The following ZNF561 variants were observed in gnomAD, a reference collection of about 807,000 sequenced individuals.
The protein encoded by ZNF561 is zinc finger protein 561.
ZNF561 carries 16 observed loss-of-function variants against 16.7 expected under a neutral mutation model. That is an observed-to-expected ratio of 0.96 (90% CI 0.65 to 1.45). The LOEUF (loss-of-function observed/expected upper bound fraction) is 1.45. Ranked by LOEUF, ZNF561 falls within the 40% of genes most tolerant of loss-of-function variation. ZNF561 has a pLI of 0.00. For synonymous variants in ZNF561, 190 were observed against 192.1 expected (o/e 0.99, Z 0.09); for missense variants, 580 against 578.0 (o/e 1.00, Z -0.04).
intron 4 of ZNF561, among the ~76,000 whole-genome samples, chr19:9,615,167 G>A (rs1308163178): frequency 6.6e-6 from 1 of 151,934 alleles, no homozygotes; most frequent in Non-Finnish European, 1.5e-5. Context: ...TACAAGCAAT[G>A]TAATTATTAC....
Position 9,610,327 on chromosome 19 carries a change from C to G in ZNF561, c.1334G>C (p.Gly445Ala), listed in dbSNP as rs1348842936. ...TTCTTTACATACGAAGGGTTTCTCTCCGGTATGAGTTCGCAGGTGAACATT... is the reference window on the plus strand; with the variant it reads ...TTCTTTACATACGAAGGGTTTCTCTGCGGTATGAGTTCGCAGGTGAACATT... Reference protein sequence around the residue: ...RLNVHLRTHTGEKPFVCKECG... With the variant: ...RLNVHLRTHTAEKPFVCKECG... The change falls in exon 6 of 6, where the codon GGA (glycine) becomes GCA (alanine). Residue 445 changes from glycine (G) to alanine (A), a missense_variant. Transcript: ENST00000302851. 4.3e-6 allele frequency: 7 copies of G among 1,614,180 alleles called. No homozygotes were observed. The highest frequency in any genetic ancestry group is 5.9e-6 in the Non-Finnish European group (7 of 1,180,014).
In ZNF561 at chr19:9,609,279, G is replaced by T. The variant is rs1466800297; in HGVS notation, c.*921C>A. 1 of 152,164 alleles carries T rather than the reference G, an allele frequency of 6.6e-6. No individual in the cohort carries two copies. Among genetic ancestry groups the T allele is most frequent in the African/African-American group, 2.4e-5 (1 of 41,442 alleles). 9.4% of individuals were successfully genotyped at this position (152,164 alleles called of 1,614,324 possible). ...CAAGGCTCTCAGCTCTGAAGGCTGT[G>T]AGCCCCGATTCCCACTCTGCACTCT... On this transcript the variant is annotated 3_prime_UTR_variant, in exon 6 of 6. Transcript: ENST00000302851.
rs987651549 is a variant in ZNF561 at position 9,607,556 on chromosome 19, T to G, written c.*2644A>C. 6.6e-6 allele frequency: 1 copy of G among 152,022 alleles called. No individual in the cohort carries two copies. Among genetic ancestry groups the G allele is most frequent in the African/African-American group, 2.4e-5 (1 of 41,380 alleles). The allele number at this position is 152,022 out of a possible 1,614,324, so 9.4% of individuals were successfully genotyped here. A position where few individuals can be genotyped will look rare whatever the true frequency, so the allele number is the denominator to read the frequency against. On this transcript the variant is annotated 3_prime_UTR_variant, in exon 6 of 6. Coordinates refer to ENST00000302851, the MANE Select transcript of ZNF561 (RefSeq NM_152289.3). Reference sequence around the variant, plus strand: ...GTAAGAGATTAGCCTCTTCAAAAAATAAAATAAAAACCTACAGCCAAGCCA... The same window carrying G: ...GTAAGAGATTAGCCTCTTCAAAAAAGAAAATAAAAACCTACAGCCAAGCCA...
Position 9,610,672 on chromosome 19 carries a change from G to A in ZNF561, c.989C>T (p.Thr330Ile), listed in dbSNP as rs928481431. ...TTCATAGGGTTTTATTCCAGTGTGA[G>A]TTCTTACATGTTCAGTAAGTTGAGT... is the stretch of plus-strand genomic sequence containing the variant. Reference protein sequence around the residue: ...RSTQLTEHVRTHTGIKPYECK... With the variant: ...RSTQLTEHVRIHTGIKPYECK... The change falls in exon 6 of 6, where the codon ACT becomes ATT. Residue 330 changes from threonine (T) to isoleucine (I), a missense_variant. Physicochemically the swap from Thr to Ile is moderately conservative, Grantham distance 89. Coordinates refer to ENST00000302851, the MANE Select transcript of ZNF561 (RefSeq NM_152289.3). The A allele has an allele frequency of 6.2e-7, 1 of 1,614,068 alleles. No homozygotes were observed. Among genetic ancestry groups the A allele is most frequent in the Non-Finnish European group, 8.5e-7 (1 of 1,180,002 alleles).
Position 9,619,530 on chromosome 19 carries a change from C to T in ZNF561, c.-74G>A. 6.5e-7 allele frequency: 1 copy of T among 1,541,074 alleles called. No individual in the cohort carries two copies. Among genetic ancestry groups the T allele is most frequent in the Non-Finnish European group, 8.9e-7 (1 of 1,118,630 alleles). ...GATCACCTCAGGCCAGCTTATGAAT[C>T]TAGGTGGATAGAGGCAATCTCCATT... On this transcript the variant is annotated 5_prime_UTR_variant, in exon 2 of 6. Coordinates refer to ENST00000302851, the MANE Select transcript of ZNF561 (RefSeq NM_152289.3).
chr19:9,619,085 A>G (rs1258666985), intron 2 of ZNF561: 4 of 159,246 alleles, frequency 2.5e-5, no homozygotes, highest in Non-Finnish European at 4.1e-5. Context: ...TCTCAAAAAC[A>G]AAAACAAACA....
At position 9,611,040 on chromosome 19, in the gene ZNF561, C is replaced by G; in HGVS notation, c.621G>C (p.Lys207Asn). The change falls in exon 6 of 6, where the codon AAG (lysine) becomes AAC (asparagine). Residue 207 changes from lysine to asparagine, a missense_variant. By Grantham distance (94) the Lys-to-Asn change is moderately conservative. Transcript: ENST00000302851. ...YKCKECGKGF[K>N]YFASLDNHMG... ...TATGATTATCAAGGCTTGCAAAATA[C>G]TTAAAGCCTTTTCCACATTCCTTAC... The G allele has an allele frequency of 6.2e-7, 1 of 1,614,090 alleles. No homozygotes were observed. The highest frequency in any genetic ancestry group is 8.5e-7 in the Non-Finnish European group (1 of 1,180,016).
Position 9,607,862 on chromosome 19 carries a change from A to T in ZNF561, c.*2338T>A, listed in dbSNP as rs2074377265. 1 of 152,020 alleles carries T rather than the reference A, an allele frequency of 6.6e-6. No homozygotes were observed. The allele number at this position is 152,020 out of a possible 1,614,324, so 9.4% of individuals were successfully genotyped here. A position where few individuals can be genotyped will look rare whatever the true frequency, so the allele number is the denominator to read the frequency against. ...CCAAATCCCAATGTGACTGTATGTG[A>T]AAATAGGGTTTTTTAGTTTTGTTTT... On this transcript the variant is annotated 3_prime_UTR_variant, in exon 6 of 6. Transcript: ENST00000302851.
At chr19:9,620,570 C>T (rs1005310509) in intron 1 of ZNF561, among the ~76,000 whole-genome samples, 4 of 152,090 alleles carry the variant, frequency 2.6e-5, no homozygotes, top group African/African-American at 9.7e-5. Context: ...CTCAAACAAC[C>T]CTAGTAGTCG....
At chr19:9,616,067 G>A (rs2074547818) in intron 4 of ZNF561, among the ~76,000 whole-genome samples, 1 of 152,170 alleles carries the variant, frequency 6.6e-6, no homozygotes, top group Admixed American at 6.5e-5. Context: ...TCAAAGAATA[G>A]GGGAAGGAAG....
chr19:9,609,938 T>A lies in ZNF561; in HGVS notation c.*262A>T. On this transcript the variant is annotated 3_prime_UTR_variant, in exon 6 of 6. Coordinates refer to ENST00000302851, the MANE Select transcript of ZNF561 (RefSeq NM_152289.3). ...CTGCATGATTTATCTCATACACAAC[T>A]TGTTAATGCTATGATCTTAGGAATC... 3.0e-6 allele frequency: 1 copy of A among 333,048 alleles called. No homozygotes were observed. Among genetic ancestry groups the A allele is most frequent in the Non-Finnish European group, 5.5e-6 (1 of 181,110 alleles). The allele number at this position is 333,048 out of a possible 1,614,324, so 20.6% of individuals were successfully genotyped here.
At chr19:9,612,667 C>T (rs1034781388) in intron 5 of ZNF561, among the ~76,000 whole-genome samples, 2 of 152,030 alleles carry the variant, frequency 1.3e-5, no homozygotes, top group Admixed American at 6.5e-5. Context: ...ATAATTTTTA[C>T]AATTTTTCTT....
At chr19:9,618,046 G>A (rs1018410336) in intron 3 of ZNF561, 45 bp downstream of exon 3, 9 of 1,501,184 alleles carry the variant, frequency 6.0e-6, no homozygotes, top group Non-Finnish European at 8.2e-6. Flanking sequence ...TCTACCTATT[G>A]GATGAAAGCA....
rs955137140 is a variant in ZNF561, at chr19:9,615,879, ACT to A, written c.241+1164_241+1165del. Among the ~76,000 whole-genome samples the A allele has an allele frequency of 3.3e-4, 50 of 151,914 alleles. 1 individual carries two copies. The highest frequency in any genetic ancestry group is 9.4e-4 in the African/African-American group (39 of 41,446). On this transcript the variant is annotated intron_variant, in intron 4 of 5. Coordinates refer to ENST00000302851, the MANE Select transcript of ZNF561 (RefSeq NM_152289.3). Reference sequence around the variant, plus strand: ...ACTCTAGCCTGGGTGATGGAGTGAGACTCTGTCTCAAAAAAAAAAAGCAGAAA... The same window carrying A: ...ACTCTAGCCTGGGTGATGGAGTGAGACTGTCTCAAAAAAAAAAAGCAGAAA...
chr19:9,619,563 G>A lies in ZNF561; in HGVS notation c.-107C>T. The stretch of plus-strand genomic sequence containing the variant: ...ATAGAGGCAATCTCCATTCCTCTTT[G>A]TACAGGGTTATTTGCGGTCCTGTTC... On this transcript the variant is annotated 5_prime_UTR_variant, in exon 2 of 6. Coordinates refer to ENST00000302851, the MANE Select transcript of ZNF561 (RefSeq NM_152289.3). 1.7e-6 allele frequency: 2 copies of A among 1,171,756 alleles called. No homozygotes were observed. Among genetic ancestry groups the A allele is most frequent in the South Asian group, 2.6e-5 (2 of 77,486 alleles). 72.6% of individuals were successfully genotyped at this position (1,171,756 alleles called of 1,614,324 possible).
chr19:9,619,509 A>T lies in ZNF561; in HGVS notation c.-53T>A, dbSNP rs917355217. The T allele has an allele frequency of 5.6e-6, 9 of 1,602,512 alleles. No homozygotes were observed. The highest frequency in any genetic ancestry group is 7.7e-6 in the Non-Finnish European group (9 of 1,171,200). ...GCATCCCTTCCTTGATGCCAAGATC[A>T]CCTCAGGCCAGCTTATGAATCTAGG... On this transcript the variant is annotated 5_prime_UTR_variant, in exon 2 of 6. Transcript: ENST00000302851.
Position 9,617,047 on chromosome 19 carries a change from A to C in ZNF561, c.239T>G (p.Val80Gly). ...MLENYMNLAS[V>G]EWEIQPRTKR... ...AAGCATAGTGATGTTACTCTTACCC[A>C]CAGAGGCCAGGTTCATGTAGTTCTC... The change falls in exon 4 of 6, where the codon GTG (valine) becomes GGG (glycine). Residue 80 changes from valine to glycine, a missense_variant and splice_region_variant. Val to Gly is a moderately radical substitution (Grantham distance 109). Transcript: ENST00000302851. 6.2e-7 allele frequency: 1 copy of C among 1,609,334 alleles called. No homozygotes were observed. The highest frequency in any genetic ancestry group is 8.5e-7 in the Non-Finnish European group (1 of 1,176,920).
intron 3 of ZNF561, 95 bp from the exon 4 acceptor site, chr19:9,617,266 G>A (rs559727162): frequency 8.9e-6 from 13 of 1,462,490 alleles, no homozygotes; most frequent in South Asian, 6.0e-5. Flanking sequence ...TCACTTACAC[G>A]TGGTTGTCAG....
intron 1 of ZNF561, among the ~76,000 whole-genome samples, chr19:9,620,409 A>G (rs1485212261): frequency 6.6e-6 from 1 of 152,162 alleles, no homozygotes; most frequent in Non-Finnish European, 1.5e-5. Context: ...TAGTTTTAGT[A>G]GAGACAAGTT....
Sources: gnomAD v4.1 joint callset for allele counts (sites outside exome capture counted in the v4.1 genomes callset) on GRCh38, gnomAD v4.1.1 for gene constraint, MANE v1.5 for transcripts, NCBI Gene and HGNC (gene_info 2026-07-23, HGNC 2026-07-21) for gene names.